The following RPH3AL variants were observed in gnomAD, a reference collection of about 807,000 sequenced individuals.
RPH3AL encodes rab effector Noc2.
In RPH3AL, 38 loss-of-function variants were observed where a neutral mutation model predicts 43.1. That is an observed-to-expected ratio of 0.88 (90% CI 0.68 to 1.15). The LOEUF is 1.15. Among genes scored for constraint, RPH3AL ranks in the 50% most tolerant of loss-of-function variants. RPH3AL has a pLI of 0.00. For synonymous variants in RPH3AL, 189 were observed against 176.3 expected, an observed-to-expected ratio of 1.07 and a Z score of -0.57; for missense variants, 462 against 423.2, an observed-to-expected ratio of 1.09 and a Z score of -0.81.
intron 5 of RPH3AL, among the ~76,000 whole-genome samples, chr17:310,282 G>T (rs963596372): frequency 5.3e-5 from 8 of 152,188 alleles, no homozygotes; most frequent in Admixed American, 3.9e-4. Flanking sequence ...AGGCATGCAG[G>T]CCCAATTACG....
intron 2 of RPH3AL, chr17:331,829 C>T (rs1287613140): frequency 3.1e-6 from 4 of 1,289,166 alleles, no homozygotes; most frequent in Admixed American, 4.6e-5. Flanking sequence ...GAGAGCAGTG[C>T]CCTGTGCATT....
intron 3 of RPH3AL, 76 bp from the exon 4 acceptor site, chr17:321,491 G>GC (rs557627111): frequency 1.1e-4 from 158 of 1,437,298 alleles, no homozygotes; most frequent in Admixed American, 2.2e-4. Flanking sequence ...CATCCACCAA[G>GC]CCCCCCCGAG....
chr17:240,405 C>T lies in RPH3AL; in HGVS notation c.613+6706G>A, dbSNP rs142010386. Among the ~76,000 whole-genome samples the T allele has an allele frequency of 2.9e-3, 436 of 152,214 alleles. 3 individuals are homozygous for T. The highest frequency in any genetic ancestry group is 9.9e-3 in the African/African-American group (411 of 41,508). ...TAACCACCACGATCTAGTTTCAGAC[C>T]ATTTGCATCAGCTCTGTGTACCCAT... On this transcript the variant is annotated intron_variant, in intron 7 of 9. Transcript: ENST00000331302.
chr17:266,269 C>T (rs1420943122), intron 6 of RPH3AL, among the ~76,000 whole-genome samples: 1 of 151,532 alleles, frequency 6.6e-6, no homozygotes, highest in Non-Finnish European at 1.5e-5. Flanking sequence ...AGGGAGAAAG[C>T]CCCCATCATC....
intron 1 of RPH3AL, among the ~76,000 whole-genome samples, chr17:340,219 A>C (rs909066829): frequency 4.0e-4 from 61 of 151,798 alleles, no homozygotes; most frequent in African/African-American, 1.4e-3. Context: ...CCACCCAAAC[A>C]CCTCAAAATC....
intron 2 of RPH3AL, chr17:332,312 A>G (rs946804573): frequency 3.8e-5 from 8 of 208,676 alleles, no homozygotes; most frequent in African/African-American, 1.6e-4. Context: ...GTACAGGAGC[A>G]TATTCAATGA....
At chr17:337,548 G>A (rs1357420961) in intron 1 of RPH3AL, among the ~76,000 whole-genome samples, 1 of 152,234 alleles carries the variant, frequency 6.6e-6, no homozygotes, top group Non-Finnish European at 1.5e-5. Context: ...TTTCTTGCCT[G>A]TGTGCTTTGA....
At chr17:228,437 C>T (rs572749752) in intron 7 of RPH3AL, among the ~76,000 whole-genome samples, 81 of 152,188 alleles carry the variant, frequency 5.3e-4, no homozygotes, top group African/African-American at 1.6e-3. Context: ...AAAGGAGTAA[C>T]GCGTTCGGCA....
At chr17:279,508 C>T (rs1374926071) in intron 6 of RPH3AL, among the ~76,000 whole-genome samples, 1 of 152,198 alleles carries the variant, frequency 6.6e-6, no homozygotes, top group African/African-American at 2.4e-5. Flanking sequence ...TTTCTGGGCA[C>T]TGGAGCCCTC....
chr17:332,042 G>T, intron 2 of RPH3AL: 1 of 411,052 alleles, frequency 2.4e-6, no homozygotes, highest in South Asian at 2.0e-5. Flanking sequence ...GCTCTGGGGG[G>T]AGCAGAGGCA....
intron 7 of RPH3AL, among the ~76,000 whole-genome samples, chr17:238,161 AAGAGAGAAAGAG>A (rs1232732973): frequency 8.4e-6 from 1 of 119,624 alleles, no homozygotes; most frequent in Non-Finnish European, 1.9e-5. Context: ...AGAAAGAAAG[AAGAGAGAAAGAG>A]AGAGAGAGAG....
chr17:318,295 T>C (rs909743575), intron 5 of RPH3AL, among the ~76,000 whole-genome samples: 2 of 152,100 alleles, frequency 1.3e-5, no homozygotes, highest in African/African-American at 4.8e-5. Flanking sequence ...GGCAGGAGAA[T>C]CACTTGAACC....
At position 285,541 on chromosome 17, in the gene RPH3AL, C is replaced by A. The variant is rs1598013233; in HGVS notation, c.352-3687G>T. On this transcript the variant is annotated intron_variant, in intron 5 of 9. Coordinates refer to ENST00000331302, the MANE Select transcript of RPH3AL (RefSeq NM_006987.4). ...TGGTTTTCCTCTAGTCCCACACGAT[C>A]TAATACGGTAGCCACCAGCTGCAGG... is the stretch of plus-strand genomic sequence containing the variant. Among the ~76,000 whole-genome samples the A allele has an allele frequency of 2.6e-5, 4 of 152,308 alleles. No homozygotes were observed. The East Asian group carries it at 7.7e-4, about 29-fold the overall frequency.
intron 5 of RPH3AL, among the ~76,000 whole-genome samples, chr17:310,791 G>C (rs62053692): frequency 0.12 from 18,704 of 152,240 alleles, 1,276 homozygotes; most frequent in South Asian, 0.19. Context: ...GATAAGGAAG[G>C]GATGGCATCG....
chr17:248,619 G>A (rs2041819504), intron 6 of RPH3AL, among the ~76,000 whole-genome samples: 1 of 152,154 alleles, frequency 6.6e-6, no homozygotes, highest in South Asian at 2.1e-4. Context: ...GGTCTGGGAC[G>A]CACAGCCCCT....
intron 6 of RPH3AL, among the ~76,000 whole-genome samples, chr17:273,040 C>A (rs8067536): frequency 1.8e-5 from 1 of 56,902 alleles, no homozygotes. Flanking sequence ...CCAGCGAGGG[C>A]GACGTCAGGG....
chr17:240,237 C>CAAAAAA (rs56048443), intron 7 of RPH3AL, among the ~76,000 whole-genome samples: 11,198 of 139,552 alleles, frequency 0.08, 589 homozygotes, highest in Non-Finnish European at 0.11. Context: ...AACTCCATCT[C>CAAAAAA]AAAAAAAAAA....
chr17:222,019 A>G (rs62059579), intron 7 of RPH3AL, among the ~76,000 whole-genome samples: 2,082 of 97,424 alleles, frequency 0.021, 8 homozygotes, highest in Middle Eastern at 0.056. Flanking sequence ...GAGACAATAG[A>G]CCCAAGCACA....
At chr17:241,261 T>G (rs1363299917) in intron 7 of RPH3AL, among the ~76,000 whole-genome samples, 1 of 151,876 alleles carries the variant, frequency 6.6e-6, no homozygotes, top group Non-Finnish European at 1.5e-5. Flanking sequence ...GTAGGTGCAG[T>G]GGTGTGCACC....
Sources: allele counts gnomAD v4.1 joint callset (sites outside exome capture counted in the v4.1 genomes callset), GRCh38; gene constraint gnomAD v4.1.1; transcripts MANE v1.5; gene names NCBI Gene and HGNC (gene_info 2026-07-23, HGNC 2026-07-21).